GAS2: variants seen among roughly 807,000 people sequenced by gnomAD.
GAS2 encodes growth arrest-specific protein 2.
GAS2 carries 20 observed loss-of-function variants against 37.5 expected under a neutral mutation model. The observed-to-expected ratio is 0.53, with a 90% confidence interval of 0.37 to 0.77. The LOEUF (loss-of-function observed/expected upper bound fraction) is 0.77. Ranked by LOEUF, GAS2 falls within the 30% of genes least tolerant of loss-of-function variation. The pLI, the probability that GAS2 is intolerant of heterozygous loss-of-function variation, is 0.00. For synonymous variants in GAS2, 144 were observed against 132.2 expected (o/e 1.09, Z -0.61); for missense variants, 336 against 373.4 (o/e 0.90, Z 0.82).
intron 1 of GAS2, among the ~76,000 whole-genome samples, chr11:22,642,160 C>G (rs947402759): frequency 5.3e-5 from 8 of 152,112 alleles, no homozygotes; most frequent in Non-Finnish European, 1.0e-4. Context: ...TTGATTACCA[C>G]TAGCTGGAAC....
At chr11:22,771,119 C>T (rs1368589250) in intron 7 of GAS2, among the ~76,000 whole-genome samples, 1 of 151,550 alleles carries the variant, frequency 6.6e-6, no homozygotes, top group Non-Finnish European at 1.5e-5. Flanking sequence ...TACTAAAACA[C>T]TGTTTCTTCT....
intron 3 of GAS2, among the ~76,000 whole-genome samples, chr11:22,720,081 C>T (rs1851876129): frequency 6.6e-6 from 1 of 152,020 alleles, no homozygotes. Flanking sequence ...TATTTGCCAA[C>T]TTTGTTAGTT....
At chr11:22,656,682 G>C (rs1848859196) in intron 1 of GAS2, among the ~76,000 whole-genome samples, 1 of 152,242 alleles carries the variant, frequency 6.6e-6, no homozygotes, top group African/African-American at 2.4e-5. Flanking sequence ...TGTATGAGCT[G>C]GAGAAGACTG....
At chr11:22,767,793 A>G (rs1360153242) in intron 7 of GAS2, among the ~76,000 whole-genome samples, 1 of 152,168 alleles carries the variant, frequency 6.6e-6, no homozygotes, top group Non-Finnish European at 1.5e-5. Context: ...GCATGGTGGA[A>G]ATGCTGCTGT....
At chr11:22,665,907 T>C (rs1396292773), upstream of GAS2, among the ~76,000 whole-genome samples, 1 of 152,228 alleles carries the variant, frequency 6.6e-6, no homozygotes, top group African/African-American at 2.4e-5. Context: ...ACCACTGCCA[T>C]TGTAAACATT....
chr11:22,705,037 TAAAACTCAA>T lies in GAS2; in HGVS notation c.267+19250_267+19258del, dbSNP rs199892873. On this transcript the variant is annotated intron_variant, in intron 3 of 7. Coordinates refer to ENST00000454584, the MANE Select transcript of GAS2 (RefSeq NM_001143830.3). ...ACATGTATTAAATCATCAAATAATT[TAAAACTCAA>T]AGTAGATTATGCCACTTCTTAGCTC... is the stretch of plus-strand genomic sequence containing the variant. Among the ~76,000 whole-genome samples the T allele has an allele frequency of 6.1e-4, 93 of 152,278 alleles. No individual in the cohort carries two copies. The East Asian group carries it at 0.013, about 22-fold the overall frequency.
chr11:22,700,918 C>T (rs1850806360), intron 3 of GAS2, among the ~76,000 whole-genome samples: 1 of 152,134 alleles, frequency 6.6e-6, no homozygotes, highest in East Asian at 1.9e-4. Flanking sequence ...CTAGAGGAGA[C>T]ATAAAGATGA....
chr11:22,778,938 G>C (rs1200887136), intron 7 of GAS2, among the ~76,000 whole-genome samples: 1 of 152,048 alleles, frequency 6.6e-6, no homozygotes, highest in African/African-American at 2.4e-5. Context: ...AATGGAAACA[G>C]AGGGGAACAA....
intron 1 of GAS2, 124 bp from the exon 2 acceptor site, chr11:22,674,726 A>G: frequency 3.0e-6 from 2 of 675,184 alleles, no homozygotes; most frequent in Non-Finnish European, 4.7e-6. Context: ...TCATGGGGTT[A>G]ATAATTAATA....
chr11:22,726,439 T>C lies in GAS2; in HGVS notation c.409+6T>C, dbSNP rs1852222592. The stretch of plus-strand genomic sequence containing the variant: ...ATTTGAATCGGAAGGTTTGGGTATG[T>C]ATTAACTTCAGAATTTTAGTTGATA... On this transcript the variant is annotated splice_donor_region_variant and intron_variant, in intron 4 of 7. Coordinates refer to ENST00000454584, the MANE Select transcript of GAS2 (RefSeq NM_001143830.3). 1 of 1,605,844 alleles carries C rather than the reference T, an allele frequency of 6.2e-7. No homozygotes were observed. The highest frequency in any genetic ancestry group is 1.1e-5 in the South Asian group (1 of 89,278).
chr11:22,641,794 C>T (rs1848632775), intron 1 of GAS2, among the ~76,000 whole-genome samples: 2 of 152,042 alleles, frequency 1.3e-5, no homozygotes, highest in African/African-American at 4.8e-5. Context: ...ATAATATTAT[C>T]AATCAGTGTG....
intron 7 of GAS2, among the ~76,000 whole-genome samples, chr11:22,766,401 A>G (rs983087362): frequency 7.2e-5 from 11 of 152,320 alleles, no homozygotes; most frequent in South Asian, 6.2e-4. Context: ...CTGATTTCAG[A>G]GCCCACGGTT....
intron 4 of GAS2, among the ~76,000 whole-genome samples, chr11:22,728,819 C>T (rs1590720623): frequency 6.6e-6 from 1 of 150,562 alleles, no homozygotes; most frequent in Admixed American, 6.7e-5. Flanking sequence ...TCATGATAAT[C>T]AGGAGGAAGG....
intron 2 of GAS2, among the ~76,000 whole-genome samples, chr11:22,682,084 T>A (rs185964491): frequency 6.6e-6 from 1 of 152,160 alleles, no homozygotes; most frequent in African/African-American, 2.4e-5. Flanking sequence ...TGTAATAGTC[T>A]GTTTTTGCCA....
Position 22,775,060 on chromosome 11 carries a change from G to A in GAS2, c.723+19107G>A, listed in dbSNP as rs542266627. Among the ~76,000 whole-genome samples, 4 of 152,222 alleles carry A rather than the reference G, an allele frequency of 2.6e-5. No homozygotes were observed. In the East Asian group the frequency reaches 5.8e-4, roughly 22 times the overall value. On this transcript the variant is annotated intron_variant, in intron 7 of 7. Transcript: ENST00000454584. ...GAGGAGTGGGCAACGAGAGGCTGGT[G>A]TAGCAAGGGAGACATGATGCCAGGC...
chr11:22,631,099 C>T (rs567668346), intron 1 of GAS2, among the ~76,000 whole-genome samples: 2 of 152,132 alleles, frequency 1.3e-5, no homozygotes, highest in South Asian at 4.2e-4. Flanking sequence ...TATTTTTCTG[C>T]AGCTACTGTA....
intron 1 of GAS2, among the ~76,000 whole-genome samples, chr11:22,657,046 G>T (rs1848863849): frequency 6.6e-6 from 1 of 152,176 alleles, no homozygotes; most frequent in Non-Finnish European, 1.5e-5. Context: ...GAAGTAGAAA[G>T]AATCTAGTAT....
chr11:22,660,817 T>C (rs570389099), intron 1 of GAS2, among the ~76,000 whole-genome samples: 1 of 152,220 alleles, frequency 6.6e-6, no homozygotes. Flanking sequence ...AAAGCCCCAC[T>C]GACACTGACC....
chr11:22,668,205 T>G (rs1224641370), intron 1 of GAS2: 1 of 152,236 alleles, frequency 6.6e-6, no homozygotes, highest in Non-Finnish European at 1.5e-5. Flanking sequence ...GGGTCTGATT[T>G]GCCCAGCCTG....
Sources: allele counts gnomAD v4.1 joint callset (sites outside exome capture counted in the v4.1 genomes callset), GRCh38; gene constraint gnomAD v4.1.1; transcripts MANE v1.5; gene names NCBI Gene and HGNC (gene_info 2026-07-23, HGNC 2026-07-21).